PLD2: variants seen among roughly 807,000 people sequenced by gnomAD.
PLD2 encodes the protein phospholipase D2, also known as choline phosphatase 2.
PLD2 carries 101 observed loss-of-function variants against 119.8 expected under a neutral mutation model. The observed-to-expected ratio is 0.84, with a 90% CI of 0.72 to 0.99. The LOEUF (loss-of-function observed/expected upper bound fraction) is 0.99. Ranked by LOEUF, PLD2 falls within the 50% of genes least tolerant of loss-of-function variation. The probability of loss-of-function intolerance (pLI) is 0.00; values close to 1 mark genes in which losing one functional copy is unlikely to be tolerated. For missense variants in PLD2, 1,164 were observed against 1,226.8 expected (o/e 0.95, Z 0.76); for synonymous variants, 494 against 482.8 (o/e 1.02, Z -0.30).
chr17:4,812,232 T>G (rs1906542931), intron 10 of PLD2, among the ~76,000 whole-genome samples: 1 of 150,790 alleles, frequency 6.6e-6, no homozygotes, highest in Non-Finnish European at 1.5e-5. Context: ...TTCTCCTGCC[T>G]CAGCCTCCCA....
rs1905996841 is a variant in PLD2, at chr17:4,807,638, G to A, written c.-1-134G>A. ...CGGTGGGGCGTTGCAAACTGGTCAG[G>A]CGTCATCCGCGGGCGGTCAGGAGGC... On this transcript the variant is annotated intron_variant, in intron 1 of 24. Transcript: ENST00000263088. The surrounding 1 kb of genome is among the most constrained non-coding windows in gnomAD (Gnocchi z 5.4). 2 of 611,300 alleles carry A rather than the reference G, an allele frequency of 3.3e-6. No individual in the cohort carries two copies. The highest frequency in any genetic ancestry group is 2.9e-6 in the Non-Finnish European group (1 of 339,626). 37.9% of individuals were successfully genotyped at this position (611,300 alleles called of 1,614,324 possible).
intron 23 of PLD2, among the ~76,000 whole-genome samples, chr17:4,820,666 C>G (rs1210519605): frequency 6.7e-6 from 1 of 149,330 alleles, no homozygotes; most frequent in African/African-American, 2.5e-5. Flanking sequence ...GGCTCCGCCG[C>G]CCAGGGTTCA....
chr17:4,822,601 C>T, intron 24 of PLD2, 39 bp from the exon 25 acceptor site: 1 of 1,415,196 alleles, frequency 7.1e-7, no homozygotes, highest in South Asian at 1.2e-5. Flanking sequence ...TTGGGAGAGT[C>T]TCCCCAAGCC....
At chr17:4,818,262 A>G (rs764359743) in intron 18 of PLD2, 35 bp from the exon 19 acceptor site, 3 of 1,581,158 alleles carry the variant, frequency 1.9e-6, no homozygotes, top group South Asian at 1.1e-5. Flanking sequence ...GCCAGGGGCC[A>G]GGCTGCTGAT....
chr17:4,822,435 T>C (rs1907773074), intron 24 of PLD2, among the ~76,000 whole-genome samples: 1 of 149,574 alleles, frequency 6.7e-6, no homozygotes, highest in African/African-American at 2.5e-5. Context: ...GAGATTGTAG[T>C]GAGCCGAGAT....
At position 4,810,909 on chromosome 17, in the gene PLD2, A is replaced by G; in HGVS notation, c.968A>G (p.His323Arg). The change falls in exon 10 of 25, where the codon CAT (histidine) becomes CGT (arginine). Residue 323 changes from histidine (H) to arginine (R), a missense_variant. Coordinates refer to ENST00000263088, the MANE Select transcript of PLD2 (RefSeq NM_002663.5). ...PGRDFLQLHR[H>R]DSYAPPRPGT... The stretch of plus-strand genomic sequence containing the variant: ...AGAGACTTCCTACAGCTGCACCGGC[A>G]TGACAGCTACGCCCCACCCCGGCCT... 1 of 1,613,630 alleles carries G rather than the reference A, an allele frequency of 6.2e-7. No homozygotes were observed. The highest frequency in any genetic ancestry group is 1.3e-5 in the African/African-American group (1 of 75,038).
intron 10 of PLD2, among the ~76,000 whole-genome samples, chr17:4,813,256 C>T (rs1461866615): frequency 1.3e-5 from 2 of 152,128 alleles, no homozygotes; most frequent in African/African-American, 2.4e-5. Context: ...GTGATCCACC[C>T]GCTTCGGCTT....
rs150535605 is a variant in PLD2, at chr17:4,819,566, C to G, written c.2446C>G (p.Arg816Gly). Residue 816 changes from arginine to glycine, a missense_variant, in exon 23 of 25, where the codon CGG becomes GGG. Arg to Gly is a moderately radical substitution (Grantham distance 125). Transcript: ENST00000263088. The surrounding 1 kb of genome is among the most constrained non-coding windows in gnomAD (Gnocchi z 4.2). ...GGCGGGCAGGTTTGCCTTGAGTCTG[C>G]GGAAGCACTGCTTCGGGTAGAGCTG... ...YQAGRFALSL[R>G]KHCFGVILGA... is the part of the protein sequence containing the mutation. 3 of 1,611,122 alleles carry G rather than the reference C, an allele frequency of 1.9e-6. No homozygotes were observed. The highest frequency in any genetic ancestry group is 1.7e-5 in the Admixed American group (1 of 59,800).
rs763495657 is a variant in PLD2, at chr17:4,819,168, T to C, written c.2258T>C (p.Ile753Thr). 6 of 1,613,984 alleles carry C rather than the reference T, an allele frequency of 3.7e-6. No homozygotes were observed. The highest frequency in any genetic ancestry group is 5.1e-6 in the Non-Finnish European group (6 of 1,180,012). Residue 753 changes from isoleucine (I) to threonine (T), a missense_variant, in exon 22 of 25, where the codon ATC becomes ACC. Physicochemically the swap from Ile to Thr is moderately conservative, Grantham distance 89. Transcript: ENST00000263088. The surrounding 1 kb of genome is among the most constrained non-coding windows in gnomAD (Gnocchi z 4.2). ...GGCGGGCACCCCGTCTCGGAGCTCATCTACATCCACAGCAAGGTGCTCATC... is the reference window on the plus strand; with the variant it reads ...GGCGGGCACCCCGTCTCGGAGCTCACCTACATCCACAGCAAGGTGCTCATC... ...ELGGHPVSEL[I>T]YIHSKVLIAD...
At position 4,822,935 on chromosome 17, in the gene PLD2, C is replaced by G; in HGVS notation, c.*71C>G. The G allele has an allele frequency of 1.2e-6, 1 of 845,116 alleles. No individual in the cohort carries two copies. Among genetic ancestry groups the G allele is most frequent in the Non-Finnish European group, 1.9e-6 (1 of 520,106 alleles). 52.4% of individuals were successfully genotyped at this position (845,116 alleles called of 1,614,324 possible). The stretch of plus-strand genomic sequence containing the variant: ...ACGTCTGGCTCCCTGCCCCTTAACC[C>G]CAAGGACTGAGGGCAGTGCCCTTTG... On this transcript the variant is annotated 3_prime_UTR_variant, in exon 25 of 25. Transcript: ENST00000263088.
chr17:4,815,467 C>A lies in PLD2; in HGVS notation c.1174-9C>A, dbSNP rs755781352. ...GGCACTAGGATCTGATTCCCCAACT[C>A]ACCACCAGGAGGAGGGTGTCCGTGT... On this transcript the variant is annotated splice_polypyrimidine_tract_variant and intron_variant, in intron 12 of 24. Coordinates refer to ENST00000263088, the MANE Select transcript of PLD2 (RefSeq NM_002663.5). 5.8e-6 allele frequency: 9 copies of A among 1,560,218 alleles called. No individual in the cohort carries two copies. Among genetic ancestry groups the A allele is most frequent in the Non-Finnish European group, 7.1e-6 (8 of 1,130,732 alleles).
chr17:4,810,967 C>T lies in PLD2; in HGVS notation c.1010+16C>T. On this transcript the variant is annotated intron_variant, in intron 10 of 24. Transcript: ENST00000263088. ...TGGCCCGGTGGTGAGACACTGACAT[C>T]CCTTCTGAGCTTGTCTGTGGCTTTC... is the stretch of plus-strand genomic sequence containing the variant. 1 of 1,597,712 alleles carries T rather than the reference C, an allele frequency of 6.3e-7. No individual in the cohort carries two copies. The highest frequency in any genetic ancestry group is 8.5e-7 in the Non-Finnish European group (1 of 1,173,944).
Position 4,808,001 on chromosome 17 carries a change from T to C in PLD2, c.127T>C (p.Phe43Leu). 2 of 1,609,856 alleles carry C rather than the reference T, an allele frequency of 1.2e-6. No homozygotes were observed. Among genetic ancestry groups the C allele is most frequent in the Non-Finnish European group, 1.7e-6 (2 of 1,176,536 alleles). ...GEDPADRMHPFLAIYELQSLK... is the reference protein window; with the variant it reads ...GEDPADRMHPLLAIYELQSLK... ...CCTCCCAGCCGACCGGATGCACCCG[T>C]TTCTGGCCATCTATGAGCTTCAGTC... Residue 43 changes from phenylalanine (F) to leucine (L), a missense_variant, in exon 3 of 25, where the codon TTT (phenylalanine) becomes CTT (leucine). Coordinates refer to ENST00000263088, the MANE Select transcript of PLD2 (RefSeq NM_002663.5). This position sits in a 1 kb window ranked among gnomAD's most constrained non-coding sequence, Gnocchi z 4.1.
chr17:4,813,908 G>A (rs1906711458), intron 10 of PLD2, among the ~76,000 whole-genome samples: 1 of 152,040 alleles, frequency 6.6e-6, no homozygotes. Context: ...TCTCCTAAAA[G>A]TTATATTCCC....
At position 4,808,051 on chromosome 17, in the gene PLD2, C is replaced by T. The variant is rs952528617; in HGVS notation, c.177C>T (p.Phe59=). 4 of 1,612,560 alleles carry T rather than the reference C, an allele frequency of 2.5e-6. No individual in the cohort carries two copies. Among genetic ancestry groups the T allele is most frequent in the Non-Finnish European group, 3.4e-6 (4 of 1,178,742 alleles). ...LQSLKVHPLV[F]APGVPVTAQV... Reference sequence around the variant, plus strand: ...CTCTGAAAGTGCACCCCTTGGTGTTCGCACCTGGGGTCCCTGTCACAGCCC... The same window carrying T: ...CTCTGAAAGTGCACCCCTTGGTGTTTGCACCTGGGGTCCCTGTCACAGCCC... The change falls in exon 3 of 25, where the codon TTC becomes TTT. Residue 59 remains phenylalanine (F), a synonymous_variant. Transcript: ENST00000263088. The surrounding 1 kb of genome is among the most constrained non-coding windows in gnomAD (Gnocchi z 4.1).
In PLD2 at chr17:4,807,438, T is replaced by A. The variant is rs71368521; in HGVS notation, c.-2+213T>A. The A allele has an allele frequency of 5.1e-6, 1 of 196,768 alleles. No homozygotes were observed. Among genetic ancestry groups the A allele is most frequent in the African/African-American group, 2.3e-5 (1 of 42,876 alleles). 12.2% of individuals were successfully genotyped at this position (196,768 alleles called of 1,614,324 possible). On this transcript the variant is annotated intron_variant, in intron 1 of 24. Coordinates refer to ENST00000263088, the MANE Select transcript of PLD2 (RefSeq NM_002663.5). This position sits in a 1 kb window ranked among gnomAD's most constrained non-coding sequence, Gnocchi z 5.4. ...GCGTGAGCCCCGTAGCCGCGCGCTCTCCGGACCACCCAGGGCCGCTTCCCC... is the reference window on the plus strand; with the variant it reads ...GCGTGAGCCCCGTAGCCGCGCGCTCACCGGACCACCCAGGGCCGCTTCCCC...
In PLD2 at chr17:4,809,088, T is replaced by A; in HGVS notation, c.384-12T>A. 6.2e-7 allele frequency: 1 copy of A among 1,606,206 alleles called. No individual in the cohort carries two copies. Among genetic ancestry groups the A allele is most frequent in the Non-Finnish European group, 8.5e-7 (1 of 1,172,924 alleles). On this transcript the variant is annotated splice_polypyrimidine_tract_variant and intron_variant, in intron 4 of 24. Transcript: ENST00000263088. ...CCAGCTCTTACCTGACCTTCATCCA[T>A]CCTTTCCACAGATTTGCCGTTGCCT...
chr17:4,822,542 T>G, intron 24 of PLD2, 98 bp from the exon 25 acceptor site: 14 of 741,104 alleles, frequency 1.9e-5, no homozygotes, highest in African/African-American at 1.8e-5. Context: ...ACGGGGGGTA[T>G]GGAGAGATGG....
chr17:4,815,771 G>A lies in PLD2; in HGVS notation c.1292G>A (p.Arg431His), dbSNP rs766972125. ...CCTCCATGCCTGCTCCAGGTGATGCGTCACCCAGACCAAGTGACGTTGTGG... is the reference window on the plus strand; with the variant it reads ...CCTCCATGCCTGCTCCAGGTGATGCATCACCCAGACCAAGTGACGTTGTGG... ...MLLHPNIKVM[R>H]HPDQVTLWAH... Residue 431 changes from arginine (R) to histidine (H), a missense_variant, in exon 14 of 25, where the codon CGT (arginine) becomes CAT (histidine). By Grantham distance (29) the Arg-to-His change is conservative. Transcript: ENST00000263088. The A allele has an allele frequency of 3.3e-5, 53 of 1,613,730 alleles. No homozygotes were observed. Among genetic ancestry groups the A allele is most frequent in the South Asian group, 1.4e-4 (13 of 91,060 alleles).
Sources: allele counts gnomAD v4.1 joint callset (sites outside exome capture counted in the v4.1 genomes callset), GRCh38; gene constraint gnomAD v4.1.1; non-coding constraint Gnocchi (gnomAD v3.1); transcripts MANE v1.5; gene names NCBI Gene and HGNC (gene_info 2026-07-23, HGNC 2026-07-21).